ZNF518A: variants seen among roughly 807,000 people sequenced by gnomAD.
ZNF518A encodes zinc finger protein 518.
ZNF518A carries 47 observed loss-of-function variants against 102.7 expected under a neutral mutation model. The ratio of observed to expected loss-of-function variants is 0.46; its 90% CI spans 0.36 to 0.58. ZNF518A has a LOEUF of 0.58. ZNF518A is among the 20% of genes least tolerant of loss of function. The pLI is 0.00. For synonymous variants in ZNF518A, 652 were observed against 594.6 expected (o/e 1.10, Z -1.40); for missense variants, 1,793 against 1,699.8 (o/e 1.05, Z -0.96).
At chr10:96,150,356 A>G (rs10786264) in intron 3 of ZNF518A, among the ~76,000 whole-genome samples, 126,256 of 148,938 alleles carry the variant, frequency 0.85, 54,388 homozygotes, top group Non-Finnish European at 0.93. Flanking sequence ...AAAAAAATTG[A>G]TGTCTGATTA....
chr10:96,175,267 T>A (rs2083196257), intron 1 of ZNF518A, among the ~76,000 whole-genome samples: 1 of 152,104 alleles, frequency 6.6e-6, no homozygotes, highest in African/African-American at 2.4e-5. Context: ...TGGGGACATA[T>A]AAAAATAAGT....
intron 1 of ZNF518A, among the ~76,000 whole-genome samples, chr10:96,201,965 T>G (rs2133954205): frequency 6.6e-6 from 1 of 152,202 alleles, no homozygotes; most frequent in Non-Finnish European, 1.5e-5. Context: ...GAAGAATATG[T>G]GGGTGAGATC....
chr10:96,201,334 G>C, intron 1 of ZNF518A, among the ~76,000 whole-genome samples: 1 of 152,176 alleles, frequency 6.6e-6, no homozygotes, highest in East Asian at 1.9e-4. Context: ...CAGATGAAAT[G>C]TAGAAACAGA....
chr10:96,168,006 C>T (rs112463482), downstream of ZNF518A, among the ~76,000 whole-genome samples: 20 of 152,184 alleles, frequency 1.3e-4, no homozygotes, highest in Non-Finnish European at 2.9e-4. Context: ...CTTCATTCTG[C>T]CCATGCTGTT....
Position 96,159,592 on chromosome 10 carries a change from A to G in ZNF518A, c.3270A>G (p.Pro1090=). The G allele has an allele frequency of 6.2e-7, 1 of 1,613,916 alleles. No individual in the cohort carries two copies. Among genetic ancestry groups the G allele is most frequent in the South Asian group, 1.1e-5 (1 of 91,076 alleles). Residue 1090 remains proline (P), a synonymous_variant, in exon 6 of 6, where the codon CCA becomes CCG. Transcript: ENST00000316045. The part of the protein sequence containing the change: ...DSVKQQNEIF[P]KPPLYTFLPD... ...TAAAACAGCAGAATGAGATTTTTCC[A>G]AAACCACCTCTTTATACCTTCTTGC...
chr10:96,145,194 C>T (rs1161777421), intron 3 of ZNF518A, among the ~76,000 whole-genome samples: 1 of 152,018 alleles, frequency 6.6e-6, no homozygotes, highest in Admixed American at 6.6e-5. Flanking sequence ...CTCAGCCTCC[C>T]GAGTAGCTGG....
intron 1 of ZNF518A, among the ~76,000 whole-genome samples, chr10:96,172,310 C>G (rs2083178648): frequency 6.6e-6 from 1 of 151,822 alleles, no homozygotes; most frequent in African/African-American, 2.4e-5. Flanking sequence ...GTTATAACAA[C>G]ACAAGGAAAG....
Position 96,160,421 on chromosome 10 carries a change from A to G in ZNF518A, c.4099A>G (p.Ile1367Val), listed in dbSNP as rs782734678. The part of the protein sequence containing the change: ...APEVVSVMKT[I>V]AKFNGHVLKV... ...AGAAGTAGTAAGTGTAATGAAAACT[A>G]TTGCTAAATTTAATGGACATGTACT... Residue 1367 changes from isoleucine to valine, a missense_variant, in exon 6 of 6, where the codon ATT (isoleucine) becomes GTT (valine). Coordinates refer to ENST00000316045, the MANE Select transcript of ZNF518A (RefSeq NM_001330736.2). 26 of 1,613,006 alleles carry G rather than the reference A, an allele frequency of 1.6e-5. No homozygotes were observed. Among genetic ancestry groups the G allele is most frequent in the Non-Finnish European group, 2.2e-5 (26 of 1,179,558 alleles).
intron 1 of ZNF518A, among the ~76,000 whole-genome samples, chr10:96,181,655 T>C (rs587597920): frequency 6.6e-6 from 1 of 152,310 alleles, no homozygotes; most frequent in South Asian, 2.1e-4. Context: ...TGGTTGTAGA[T>C]GTGTGGTGTT....
chr10:96,187,377 C>T (rs1194838770), intron 1 of ZNF518A, among the ~76,000 whole-genome samples: 2 of 152,136 alleles, frequency 1.3e-5, no homozygotes, highest in Non-Finnish European at 2.9e-5. Context: ...GTCTTAAGAC[C>T]ATTTTGAAGG....
rs587628586 is a variant in ZNF518A, at chr10:96,131,429, C to A, written c.-453+677C>A. Among the ~76,000 whole-genome samples the A allele has an allele frequency of 7.2e-5, 11 of 152,244 alleles. No homozygotes were observed. In the South Asian group the frequency reaches 1.9e-3, roughly 26 times the overall value. On this transcript the variant is annotated intron_variant, in intron 1 of 5. Coordinates refer to ENST00000316045, the MANE Select transcript of ZNF518A (RefSeq NM_001330736.2). ...ATTCACTATCTTTCAGCAAAATTGT[C>A]TTTTCTGAAATTTATAAAGAGACAT...
chr10:96,194,185 C>A (rs1554894108), intron 1 of ZNF518A, among the ~76,000 whole-genome samples: 3 of 152,128 alleles, frequency 2.0e-5, no homozygotes, highest in Non-Finnish European at 4.4e-5. Flanking sequence ...AATTTCAGGA[C>A]CTCGAAATAG....
Position 96,159,659 on chromosome 10 carries a change from A to G in ZNF518A, c.3337A>G (p.Asn1113Asp). The change falls in exon 6 of 6, where the codon AAT (asparagine) becomes GAT (aspartate). Residue 1113 changes from asparagine (N) to aspartate (D), a missense_variant. Physicochemically the swap from Asn to Asp is conservative, Grantham distance 23 (BLOSUM62 1). Coordinates refer to ENST00000316045, the MANE Select transcript of ZNF518A (RefSeq NM_001330736.2). ...TGTTTTTTTAAAGTGTGTGATGCCA[A>G]ATAAAACTGAGCTGCTTAAGCCCAA... ...QAVFLKCVMP[N>D]KTELLKPKLV... The G allele has an allele frequency of 6.2e-7, 1 of 1,613,654 alleles. No homozygotes were observed. The highest frequency in any genetic ancestry group is 8.5e-7 in the Non-Finnish European group (1 of 1,179,772).
rs1554887234 is a variant in ZNF518A, at chr10:96,160,418, A to G, written c.4096A>G (p.Thr1366Ala). ...DAPEVVSVMKTIAKFNGHVLK... is the reference protein window; with the variant it reads ...DAPEVVSVMKAIAKFNGHVLK... ...ACCAGAAGTAGTAAGTGTAATGAAA[A>G]CTATTGCTAAATTTAATGGACATGT... Residue 1366 changes from threonine (T) to alanine (A), a missense_variant, in exon 6 of 6, where the codon ACT becomes GCT. This residue lies in a region of ZNF518A where 1,741 missense variants were observed against 1,622.6 expected (regional missense o/e 1.07). Transcript: ENST00000316045. 3.1e-6 allele frequency: 5 copies of G among 1,612,978 alleles called. No individual in the cohort carries two copies. The East Asian group carries it at 6.7e-5, about 22-fold the overall frequency.
chr10:96,157,776 A>C lies in ZNF518A; in HGVS notation c.1454A>C (p.Gln485Pro). 6.2e-7 allele frequency: 1 copy of C among 1,613,912 alleles called. No individual in the cohort carries two copies. The highest frequency in any genetic ancestry group is 1.1e-5 in the South Asian group (1 of 91,078). The change falls in exon 6 of 6, where the codon CAG becomes CCG. Residue 485 changes from glutamine (Q) to proline (P), a missense_variant. By Grantham distance (76) the Gln-to-Pro change is moderately conservative (BLOSUM62 -1). Around this residue, in one of 3 missense-constraint regions of ZNF518A, gnomAD observed 1,741 missense variants for 1,622.6 expected, o/e 1.07. Transcript: ENST00000316045. The stretch of plus-strand genomic sequence containing the variant: ...GCAAAGGACGGTACTGCTAATTTGC[A>C]GCCCCAGACTTTGGACACTAATGGA... ...GAAKDGTANL[Q>P]PQTLDTNGFL...
In ZNF518A at chr10:96,190,235, A is replaced by T. The variant is rs1404553257; in HGVS notation, n.36-13339A>T. ...AATCTTCCATCAGGTGGCGGCACAC[A>T]CTTAGGTGGGAGAGAAAGCAGACGG... On this transcript the variant is annotated intron_variant and non_coding_transcript_variant, in intron 1 of 2. Coordinates refer to the ZNF518A transcript ENST00000442635. 2.7e-5 allele frequency: 20 copies of T among 747,344 alleles called. No individual in the cohort carries two copies. In the African/African-American group the frequency reaches 3.1e-4, roughly 11 times the overall value. The allele number at this position is 747,344 out of a possible 1,614,324, so 46.3% of individuals were successfully genotyped here. A position where few individuals can be genotyped will look rare whatever the true frequency, so the allele number is the denominator to read the frequency against.
intron 1 of ZNF518A, among the ~76,000 whole-genome samples, chr10:96,171,800 A>G (rs1286719996): frequency 1.3e-5 from 2 of 152,114 alleles, no homozygotes; most frequent in Non-Finnish European, 1.5e-5. Flanking sequence ...TGAAAAACAT[A>G]TTTTCAGAAG....
Position 96,156,469 on chromosome 10 carries a change from A to G in ZNF518A, c.147A>G (p.Lys49=), listed in dbSNP as rs781821976. 4 of 1,613,124 alleles carry G rather than the reference A, an allele frequency of 2.5e-6. No homozygotes were observed. The South Asian group carries it at 3.3e-5, about 13-fold the overall frequency. The change falls in exon 6 of 6, where the codon AAA becomes AAG. Residue 49 remains lysine (K), a synonymous_variant. Coordinates refer to ENST00000316045, the MANE Select transcript of ZNF518A (RefSeq NM_001330736.2). ...GSIHYALKNV[K]IDLPKINIPN... ...TTCATTATGCACTAAAAAATGTGAA[A>G]ATTGATTTGCCAAAAATAAATATTC...
chr10:96,178,686 T>C (rs1335890385), intron 1 of ZNF518A, among the ~76,000 whole-genome samples: 4 of 151,980 alleles, frequency 2.6e-5, no homozygotes, highest in African/African-American at 9.7e-5. Flanking sequence ...CAAAGGTCAA[T>C]AAAATTGATA....
Sources: allele counts gnomAD v4.1 joint callset (sites outside exome capture counted in the v4.1 genomes callset), GRCh38; gene constraint gnomAD v4.1.1; regional missense constraint gnomAD v4.1.1; transcripts MANE v1.5; gene names NCBI Gene and HGNC (gene_info 2026-07-23, HGNC 2026-07-21).